Variants in CFAP92 observed in about 807,000 individuals in gnomAD.
CFAP92 encodes the protein cilia and flagella associated protein 92 (putative), also known as uncharacterized protein CFAP92.
A neutral mutation model predicts 106.3 loss-of-function variants in CFAP92; 86 were observed. The ratio of observed to expected loss-of-function variants is 0.81; its 90% confidence interval spans 0.68 to 0.97. The LOEUF (loss-of-function observed/expected upper bound fraction) is 0.97, where lower values mean the gene tolerates loss of function less well. CFAP92 is among the 50% of genes least tolerant of loss of function. The pLI, the probability that CFAP92 is intolerant of heterozygous loss-of-function variation, is 0.00. For missense variants in CFAP92, 1,204 were observed against 1,283.8 expected, an observed-to-expected ratio of 0.94 and a Z score of 0.95; for synonymous variants, 477 against 506.4, an observed-to-expected ratio of 0.94 and a Z score of 0.78.
chr3:128,988,681 G>T, intron 3 of CFAP92, 47 bp downstream of exon 3: 1 of 1,576,120 alleles, frequency 6.3e-7, no homozygotes, highest in Non-Finnish European at 8.7e-7. Flanking sequence ...CACTTTTCGT[G>T]ATGAGCATCA....
intron 12 of CFAP92, 71 bp downstream of exon 12, chr3:128,932,629 G>A: frequency 4.3e-6 from 6 of 1,408,852 alleles, no homozygotes; most frequent in Non-Finnish European, 5.7e-6. Context: ...TATGCCCTAT[G>A]CCTCTCAGCA....
intron 5 of CFAP92, among the ~76,000 whole-genome samples, chr3:128,977,451 C>T (rs998204707): frequency 6.6e-6 from 1 of 152,342 alleles, no homozygotes; most frequent in East Asian, 1.9e-4. Flanking sequence ...ATAGCCACCA[C>T]ACTACAATGT....
the CFAP92 span, among the ~76,000 whole-genome samples, chr3:129,009,324 G>C: frequency 6.6e-6 from 1 of 152,156 alleles, no homozygotes; most frequent in Non-Finnish European, 1.5e-5. Flanking sequence ...CTGGATTCAG[G>C]TACTCACGTA....
At chr3:128,944,113 A>G (rs1415074851) in intron 10 of CFAP92, among the ~76,000 whole-genome samples, 1 of 151,208 alleles carries the variant, frequency 6.6e-6, no homozygotes, top group East Asian at 2.0e-4. Context: ...TATTTTTTGT[A>G]GTAACAAGGT....
intron 12 of CFAP92, among the ~76,000 whole-genome samples, chr3:128,930,953 C>G (rs1938299586): frequency 1.3e-5 from 2 of 151,938 alleles, no homozygotes; most frequent in Non-Finnish European, 2.9e-5. Flanking sequence ...GCTCTGAGTG[C>G]TGGAATGCAG....
At chr3:128,962,228 C>G (rs1033413150) in intron 9 of CFAP92, among the ~76,000 whole-genome samples, 1 of 152,108 alleles carries the variant, frequency 6.6e-6, no homozygotes, top group Non-Finnish European at 1.5e-5. Context: ...GCCGAGCTTC[C>G]GGTAACTCTC....
chr3:129,002,398 G>A (rs1157025864), intron 1 of CFAP92: 2 of 1,465,230 alleles, frequency 1.4e-6, no homozygotes, highest in African/African-American at 2.9e-5. Flanking sequence ...TGGCTGCGGA[G>A]CCCGACAGGA....
intron 12 of CFAP92, among the ~76,000 whole-genome samples, chr3:128,929,150 G>A (rs1001703308): frequency 3.3e-5 from 5 of 152,052 alleles, no homozygotes; most frequent in African/African-American, 7.2e-5. Context: ...TCAAAGAAGC[G>A]TTATAAATTC....
the CFAP92 span, among the ~76,000 whole-genome samples, chr3:129,010,601 C>A: frequency 3.3e-5 from 5 of 151,850 alleles, no homozygotes; most frequent in African/African-American, 1.2e-4. The surrounding 1 kb of genome is among the most constrained non-coding windows in gnomAD (Gnocchi z 4.3). Flanking sequence ...TACCTCCTTT[C>A]TTCTGCCCCA....
chr3:129,017,270 A>C, the CFAP92 span, among the ~76,000 whole-genome samples: 1 of 152,254 alleles, frequency 6.6e-6, no homozygotes, highest in Non-Finnish European at 1.5e-5. Flanking sequence ...ACAAGGCCAC[A>C]GTCGGGGTTG....
chr3:128,946,881 T>C (rs916074643), intron 9 of CFAP92, among the ~76,000 whole-genome samples: 3 of 152,160 alleles, frequency 2.0e-5, no homozygotes, highest in African/African-American at 7.2e-5. Context: ...AAAATAAGGA[T>C]ATAAGTTTAA....
intron 12 of CFAP92, among the ~76,000 whole-genome samples, chr3:128,924,761 C>T (rs562046588): frequency 2.0e-5 from 3 of 152,256 alleles, no homozygotes; most frequent in African/African-American, 7.2e-5. Flanking sequence ...GTATCTTAAA[C>T]TAGAAGAACA....
At chr3:128,914,767 C>G in intron 15 of CFAP92, 1 of 205,438 alleles carries the variant, frequency 4.9e-6, no homozygotes, top group Non-Finnish European at 9.9e-6. Context: ...CTGCCCCCAG[C>G]TCTTGGCTGG....
Position 128,946,300 on chromosome 3 carries a change from C to T in CFAP92, c.1354-325G>A, listed in dbSNP as rs547843072. 3.3e-5 allele frequency among the ~76,000 whole-genome samples: 5 copies of T among 152,138 alleles called. No individual in the cohort carries two copies. In the East Asian group the frequency reaches 9.6e-4, roughly 29 times the overall value. The stretch of plus-strand genomic sequence containing the variant: ...ATACCTGTACTTCTAGTTCCTATCC[C>T]GAGGCTGGGCACAGAAAAGGTACAG... On this transcript the variant is annotated intron_variant, in intron 9 of 15. Transcript: ENST00000645291.
chr3:128,927,442 C>T (rs532236825), intron 12 of CFAP92, among the ~76,000 whole-genome samples: 21 of 151,992 alleles, frequency 1.4e-4, no homozygotes, highest in Middle Eastern at 3.4e-3. Flanking sequence ...ATTCTAGGGC[C>T]GGGCGCGGTG....
At chr3:128,928,337 G>C (rs1937937699) in intron 12 of CFAP92, among the ~76,000 whole-genome samples, 1 of 152,166 alleles carries the variant, frequency 6.6e-6, no homozygotes, top group East Asian at 1.9e-4. Context: ...AATATATGTG[G>C]AAATGCAAAG....
rs1242999243 is a variant in CFAP92, at chr3:128,928,260, AT to A, written c.2751+4439del. 2.6e-5 allele frequency among the ~76,000 whole-genome samples: 4 copies of A among 152,268 alleles called. No individual in the cohort carries two copies. The East Asian group carries it at 7.7e-4, about 29-fold the overall frequency. On this transcript the variant is annotated intron_variant, in intron 12 of 15. Transcript: ENST00000645291. Reference sequence around the variant, plus strand: ...AGAGCAAGACTCCGTCCCAAAAAAAATAAATAAACAAAATCCCCATGAAATT... The same window carrying A: ...AGAGCAAGACTCCGTCCCAAAAAAAAAAATAAACAAAATCCCCATGAAATT...
At chr3:128,992,944 G>T in intron 2 of CFAP92, 99 bp downstream of exon 2, 1 of 1,418,980 alleles carries the variant, frequency 7.0e-7, no homozygotes, top group Non-Finnish European at 9.8e-7. Context: ...GGGTGGGGCA[G>T]GTGGAGAGAG....
At chr3:128,978,870 A>G (rs1943337736) in intron 4 of CFAP92, among the ~76,000 whole-genome samples, 1 of 152,270 alleles carries the variant, frequency 6.6e-6, no homozygotes, top group African/African-American at 2.4e-5. Context: ...AAACCTAGGC[A>G]TTACCATTCA....
Sources: gnomAD v4.1 joint callset for allele counts (sites outside exome capture counted in the v4.1 genomes callset) on GRCh38, gnomAD v4.1.1 for gene constraint, Gnocchi (gnomAD v3.1) non-coding constraint, MANE v1.5 for transcripts, NCBI Gene and HGNC (gene_info 2026-07-23, HGNC 2026-07-21) for gene names.